Variants in ATG10 observed in about 807,000 individuals in gnomAD.
The protein encoded by ATG10 is ubiquitin-like-conjugating enzyme ATG10.
In ATG10, 30 loss-of-function variants were observed where a neutral mutation model predicts 32.1. The ratio of observed to expected loss-of-function variants is 0.94; its 90% confidence interval spans 0.70 to 1.27. ATG10 has a LOEUF of 1.27. Ranked by LOEUF, ATG10 falls within the 50% of genes most tolerant of loss-of-function variation. ATG10 has a pLI of 0.00. For missense variants in ATG10, 233 were observed against 262.3 expected (o/e 0.89, Z 0.77); for synonymous variants, 87 against 91.5 (o/e 0.95, Z 0.28).
At chr5:82,005,800 G>A (rs1021818172) in intron 2 of ATG10, among the ~76,000 whole-genome samples, 40 of 151,976 alleles carry the variant, frequency 2.6e-4, no homozygotes, top group African/African-American at 8.5e-4. Context: ...AAGAGAGAAC[G>A]TTCAGATTGA....
chr5:82,244,965 T>C (rs904457404), intron 5 of ATG10, among the ~76,000 whole-genome samples: 1 of 152,190 alleles, frequency 6.6e-6, no homozygotes, highest in Non-Finnish European at 1.5e-5. Flanking sequence ...GTTTATTAAG[T>C]TGTAAGCCTA....
At chr5:82,163,278 G>A (rs994437990) in intron 3 of ATG10, among the ~76,000 whole-genome samples, 1 of 151,994 alleles carries the variant, frequency 6.6e-6, no homozygotes, top group African/African-American at 2.4e-5. Flanking sequence ...TTTAATTGAT[G>A]GTGTTTACTG....
intron 2 of ATG10, chr5:82,010,123 C>T (rs921279121): frequency 2.3e-5 from 35 of 1,539,526 alleles, no homozygotes; most frequent in African/African-American, 5.5e-5. Context: ...TCCTCGGCGG[C>T]GTCATCTGCA....
intron 2 of ATG10, among the ~76,000 whole-genome samples, chr5:82,017,965 C>T (rs1161155383): frequency 9.2e-5 from 14 of 152,140 alleles, no homozygotes; most frequent in Non-Finnish European, 8.8e-5. Flanking sequence ...GTCTTATTCT[C>T]ATCTCTAGCT....
intron 3 of ATG10, among the ~76,000 whole-genome samples, chr5:82,109,861 T>G (rs901128675): frequency 1.3e-5 from 2 of 151,884 alleles, no homozygotes; most frequent in East Asian, 3.9e-4. Context: ...TGTGCAGGTT[T>G]GTTACATATG....
chr5:82,242,875 G>A, intron 5 of ATG10: 1 of 446,078 alleles, frequency 2.2e-6, no homozygotes, highest in Non-Finnish European at 4.5e-6. Flanking sequence ...GACACATAGG[G>A]AAAAATGGTA....
At chr5:82,162,805 T>C (rs1743412228) in intron 3 of ATG10, among the ~76,000 whole-genome samples, 1 of 141,020 alleles carries the variant, frequency 7.1e-6, no homozygotes, top group Non-Finnish European at 1.5e-5. Flanking sequence ...TCTAGGAGCA[T>C]ATGTATGTAT....
intron 3 of ATG10, among the ~76,000 whole-genome samples, chr5:82,154,028 C>T (rs559879575): frequency 3.3e-5 from 5 of 151,578 alleles, no homozygotes; most frequent in Admixed American, 6.6e-5. Context: ...CCTCCCAAAG[C>T]GCTGGGATTG....
chr5:82,048,356 A>G (rs892126818), intron 2 of ATG10, among the ~76,000 whole-genome samples: 2 of 148,034 alleles, frequency 1.4e-5, no homozygotes, highest in Middle Eastern at 3.4e-3. Context: ...ATGAGCATGG[A>G]ATGTTCTTCC....
intron 3 of ATG10, among the ~76,000 whole-genome samples, chr5:82,089,001 T>C (rs189924153): frequency 1.3e-5 from 2 of 152,196 alleles, no homozygotes; most frequent in East Asian, 3.9e-4. Flanking sequence ...AAGAATAAAA[T>C]GGGAGGAATT....
At chr5:82,217,690 G>A (rs751209050) in intron 5 of ATG10, among the ~76,000 whole-genome samples, 1 of 151,718 alleles carries the variant, frequency 6.6e-6, no homozygotes, top group Non-Finnish European at 1.5e-5. Flanking sequence ...TCTCAAAACA[G>A]CTGGCCATGT....
chr5:81,980,682 G>A (rs1030788294), intron 1 of ATG10, among the ~76,000 whole-genome samples: 2 of 151,580 alleles, frequency 1.3e-5, no homozygotes, highest in Non-Finnish European at 2.9e-5. Flanking sequence ...TGTTAGTGGT[G>A]AGACTGTACT....
chr5:82,191,279 C>T (rs1744650825), intron 5 of ATG10, among the ~76,000 whole-genome samples: 1 of 152,210 alleles, frequency 6.6e-6, no homozygotes, highest in Admixed American at 6.5e-5. Context: ...AGTGGACCTA[C>T]TGTCAGAATT....
rs1761531549 is a variant in ATG10, at chr5:81,993,360, C to CCTTCTTTCT, written c.108+5682_108+5683insCTTCTTTCT. On this transcript the variant is annotated intron_variant, in intron 2 of 7. Transcript: ENST00000282185. ...CCTTCTTTCTTTCTTTCTTTCTTTC[C>CCTTCTTTCT]TTCTTTTCTTTTCTTTTCTTTTCTT... Among the ~76,000 whole-genome samples, 169 of 46,784 alleles carry CCTTCTTTCT rather than the reference C, an allele frequency of 3.6e-3. 10 individuals are homozygous for CCTTCTTTCT. The highest frequency in any genetic ancestry group is 0.028 in the South Asian group (34 of 1,222). The allele number at this position is 46,784 out of a possible 152,430, so 30.7% of individuals were successfully genotyped here.
intron 3 of ATG10, among the ~76,000 whole-genome samples, chr5:82,083,169 C>T (rs1044926247): frequency 6.6e-6 from 1 of 152,222 alleles, no homozygotes; most frequent in African/African-American, 2.4e-5. Flanking sequence ...GCAAACGGCA[C>T]ACCAGGAGAT....
At chr5:82,208,479 T>C (rs1745381183) in intron 5 of ATG10, among the ~76,000 whole-genome samples, 1 of 152,218 alleles carries the variant, frequency 6.6e-6, no homozygotes, top group Non-Finnish European at 1.5e-5. Context: ...CTTTTAATAT[T>C]GTTTTATAGT....
chr5:82,197,760 A>ATCTATCTATCTATCTG (rs1554056725), intron 5 of ATG10, among the ~76,000 whole-genome samples: 12 of 147,266 alleles, frequency 8.1e-5, no homozygotes, highest in African/African-American at 2.6e-4. Flanking sequence ...CTATCTATCT[A>ATCTATCTATCTATCTG]TCTATCTATC....
chr5:82,056,719 C>T (rs1351895373), intron 2 of ATG10, among the ~76,000 whole-genome samples: 1 of 152,156 alleles, frequency 6.6e-6, no homozygotes, highest in East Asian at 1.9e-4. Context: ...ATTAGTGTAA[C>T]AGTAGCCAAT....
intron 2 of ATG10, among the ~76,000 whole-genome samples, chr5:82,004,567 A>G (rs146083705): frequency 4.6e-5 from 7 of 152,306 alleles, no homozygotes; most frequent in East Asian, 1.9e-4. Flanking sequence ...CTGTGTCTCA[A>G]ATTTCTAGGA....
Sources: gnomAD v4.1 joint callset for allele counts (sites outside exome capture counted in the v4.1 genomes callset) on GRCh38, gnomAD v4.1.1 for gene constraint, MANE v1.5 for transcripts, NCBI Gene and HGNC (gene_info 2026-07-23, HGNC 2026-07-21) for gene names.